The following EYA2 variants were observed in gnomAD, a reference collection of about 807,000 sequenced individuals.
EYA2 encodes the protein EYA transcriptional coactivator and phosphatase 2.
In EYA2, 31 loss-of-function variants were observed where a neutral mutation model predicts 69.2. That is an observed-to-expected ratio of 0.45 (90% confidence interval 0.34 to 0.60). EYA2 has a LOEUF of 0.60. Among genes scored for constraint, EYA2 ranks in the 20% least tolerant of loss-of-function variants. The pLI is 0.02. For missense variants in EYA2, 622 were observed against 701.2 expected, an observed-to-expected ratio of 0.89 and a Z score of 1.28; for synonymous variants, 257 against 279.4, an observed-to-expected ratio of 0.92 and a Z score of 0.80.
intron 12 of EYA2, among the ~76,000 whole-genome samples, chr20:47,178,163 A>T (rs1345500284): frequency 2.0e-5 from 3 of 152,170 alleles, no homozygotes; most frequent in African/African-American, 7.2e-5. Flanking sequence ...CCCCACCTCT[A>T]TGAAAAATAC....
At chr20:47,032,951 G>A (rs1489838922) in intron 5 of EYA2, among the ~76,000 whole-genome samples, 2 of 152,194 alleles carry the variant, frequency 1.3e-5, no homozygotes, top group Admixed American at 1.3e-4. Flanking sequence ...CCCCGTATGT[G>A]TCTCCCTTTG....
intron 9 of EYA2, among the ~76,000 whole-genome samples, chr20:47,107,879 A>T (rs2032638354): frequency 6.6e-6 from 1 of 152,220 alleles, no homozygotes; most frequent in South Asian, 2.1e-4. Flanking sequence ...TAAATTTGAG[A>T]AAAATGTGGC....
chr20:46,983,213 T>A (rs1253928358), intron 1 of EYA2, among the ~76,000 whole-genome samples: 1 of 152,244 alleles, frequency 6.6e-6, no homozygotes, highest in Non-Finnish European at 1.5e-5. Flanking sequence ...TTTTTGTTTT[T>A]GTTTTTTGTC....
intron 7 of EYA2, among the ~76,000 whole-genome samples, chr20:47,076,330 T>C (rs1235367110): frequency 6.6e-6 from 1 of 152,250 alleles, no homozygotes; most frequent in Admixed American, 6.5e-5. Context: ...ATGAACAATG[T>C]ATAAGCATTC....
chr20:47,134,899 G>C (rs568648402), intron 9 of EYA2, among the ~76,000 whole-genome samples: 1 of 151,874 alleles, frequency 6.6e-6, no homozygotes, highest in African/African-American at 2.4e-5. Flanking sequence ...AGGCTGAGGC[G>C]GGCGGATCAT....
chr20:47,049,898 G>C (rs985115616), intron 5 of EYA2, among the ~76,000 whole-genome samples: 4 of 144,544 alleles, frequency 2.8e-5, no homozygotes, highest in African/African-American at 1.0e-4. Context: ...TTTCTCTCAT[G>C]ATTTTGACAC....
chr20:47,015,200 C>T (rs569907724), intron 4 of EYA2, among the ~76,000 whole-genome samples: 4 of 152,142 alleles, frequency 2.6e-5, no homozygotes, highest in Non-Finnish European at 5.9e-5. Flanking sequence ...TAGGAAGAGA[C>T]TCTTTGCTTT....
At chr20:46,969,731 A>G (rs1469945347) in intron 1 of EYA2, among the ~76,000 whole-genome samples, 1 of 152,130 alleles carries the variant, frequency 6.6e-6, no homozygotes, top group East Asian at 1.9e-4. Context: ...TCAGCCCCAC[A>G]ATGCACTCTT....
chr20:46,906,895 G>A (rs1256243896), intron 1 of EYA2, among the ~76,000 whole-genome samples: 3 of 152,170 alleles, frequency 2.0e-5, no homozygotes, highest in African/African-American at 7.2e-5. Flanking sequence ...GGCTGAAAGC[G>A]ATGTTAAATC....
At chr20:46,969,248 CACTT>C (rs1303734133) in intron 1 of EYA2, among the ~76,000 whole-genome samples, 6 of 151,494 alleles carry the variant, frequency 4.0e-5, no homozygotes, top group African/African-American at 1.5e-4. Context: ...GTTTTTTTGA[CACTT>C]AGTCACCCAG....
intron 5 of EYA2, among the ~76,000 whole-genome samples, chr20:47,059,815 G>C (rs1402298393): frequency 6.6e-6 from 1 of 152,142 alleles, no homozygotes; most frequent in Non-Finnish European, 1.5e-5. Context: ...TCCATCATCA[G>C]GACCCAGGCC....
At chr20:46,957,575 ACAC>A (rs1356672728) in intron 1 of EYA2, among the ~76,000 whole-genome samples, 36,216 of 109,524 alleles carry the variant, frequency 0.33, 5,371 homozygotes, top group Admixed American at 0.38. Flanking sequence ...ACACACACAC[ACAC>A]GAAGACAATG....
chr20:46,958,231 C>T (rs1316572117), intron 1 of EYA2, among the ~76,000 whole-genome samples: 6 of 152,182 alleles, frequency 3.9e-5, no homozygotes, highest in Admixed American at 3.9e-4. Flanking sequence ...ACGCTGCTGC[C>T]TGGGGACAGT....
intron 10 of EYA2, among the ~76,000 whole-genome samples, chr20:47,162,622 G>A (rs2034092814): frequency 1.3e-5 from 2 of 149,656 alleles, no homozygotes; most frequent in African/African-American, 5.0e-5. Context: ...AGGCTTAGGT[G>A]ATCCTCCCAC....
At position 47,089,401 on chromosome 20, in the gene EYA2, T is replaced by C. The variant is rs1237032635; in HGVS notation, c.804+20T>C. 6.2e-7 allele frequency: 1 copy of C among 1,600,172 alleles called. No individual in the cohort carries two copies. The highest frequency in any genetic ancestry group is 8.5e-7 in the Non-Finnish European group (1 of 1,172,822). ...ATTGAGGTAATCCAAAGGGGCTCTG[T>C]GTGACCTGGTGAATGTAATCTCCAT... On this transcript the variant is annotated intron_variant, in intron 8 of 15. Coordinates refer to ENST00000327619, the MANE Select transcript of EYA2 (RefSeq NM_005244.5).
At chr20:47,013,114 C>T (rs1291007843) in intron 4 of EYA2, among the ~76,000 whole-genome samples, 3 of 152,168 alleles carry the variant, frequency 2.0e-5, no homozygotes, top group Non-Finnish European at 2.9e-5. Flanking sequence ...ATTTACCAGA[C>T]AATTTTTGAG....
At chr20:46,983,168 G>A (rs536717835) in intron 1 of EYA2, among the ~76,000 whole-genome samples, 109 of 152,232 alleles carry the variant, frequency 7.2e-4, no homozygotes, top group African/African-American at 2.4e-3. Context: ...TAGGGACTCC[G>A]TGTTTGACAA....
chr20:46,962,514 G>A (rs972378700), intron 1 of EYA2, among the ~76,000 whole-genome samples: 4 of 152,180 alleles, frequency 2.6e-5, no homozygotes, highest in Non-Finnish European at 5.9e-5. Context: ...ATAGGCCCAG[G>A]TGCCTGCCTC....
At chr20:46,916,015 T>C (rs890326688) in intron 1 of EYA2, among the ~76,000 whole-genome samples, 7 of 152,186 alleles carry the variant, frequency 4.6e-5, no homozygotes, top group Non-Finnish European at 1.0e-4. Context: ...TGTTTAAACA[T>C]TAATAGTACA....
Sources: gnomAD v4.1 joint callset for allele counts (sites outside exome capture counted in the v4.1 genomes callset) on GRCh38, gnomAD v4.1.1 for gene constraint, MANE v1.5 for transcripts, NCBI Gene and HGNC (gene_info 2026-07-23, HGNC 2026-07-21) for gene names.